The following RPS6KC1 variants were observed in gnomAD, a reference collection of about 807,000 sequenced individuals.
RPS6KC1 encodes the protein inactive ribosomal protein S6 kinase delta-1.
In RPS6KC1, 54 loss-of-function variants were observed where a neutral mutation model predicts 103.8. The ratio of observed to expected loss-of-function variants is 0.52; its 90% confidence interval spans 0.42 to 0.65. RPS6KC1 has a LOEUF of 0.65. Ranked by LOEUF, RPS6KC1 falls within the 30% of genes least tolerant of loss-of-function variation. The pLI is 0.00. For missense variants in RPS6KC1, 1,151 were observed against 1,253.8 expected, an observed-to-expected ratio of 0.92 and a Z score of 1.24; for synonymous variants, 439 against 438.7, an observed-to-expected ratio of 1.00 and a Z score of -0.01.
chr1:213,310,349 C>T, the RPS6KC1 span, among the ~76,000 whole-genome samples: 603 of 152,288 alleles, frequency 4.0e-3, 7 homozygotes, highest in Non-Finnish European at 5.3e-3. Context: ...TGATGTCACC[C>T]GTATCCCATC....
the RPS6KC1 span, among the ~76,000 whole-genome samples, chr1:213,462,062 A>G: frequency 2.0e-5 from 3 of 152,202 alleles, no homozygotes; most frequent in Non-Finnish European, 4.4e-5. Context: ...AGGAACTTAA[A>G]CCAATTTACA....
chr1:213,462,988 A>G, the RPS6KC1 span, among the ~76,000 whole-genome samples: 1 of 152,248 alleles, frequency 6.6e-6, no homozygotes, highest in East Asian at 1.9e-4. Flanking sequence ...TGCTGTGTAG[A>G]GGCCTTATTC....
chr1:213,275,035 A>G (rs751937011), downstream of RPS6KC1, among the ~76,000 whole-genome samples: 4 of 152,176 alleles, frequency 2.6e-5, no homozygotes, highest in Non-Finnish European at 5.9e-5. Flanking sequence ...TGACTGTTCT[A>G]AGTACTTCAT....
the RPS6KC1 span, among the ~76,000 whole-genome samples, chr1:213,833,791 T>A: frequency 3.3e-5 from 5 of 152,164 alleles, no homozygotes; most frequent in Non-Finnish European, 7.3e-5. Flanking sequence ...TCTCCTTTTG[T>A]CTCAGCTACT....
chr1:213,765,075 AC>A, the RPS6KC1 span, among the ~76,000 whole-genome samples: 3 of 152,186 alleles, frequency 2.0e-5, no homozygotes, highest in East Asian at 5.8e-4. Flanking sequence ...CTCCACAGCC[AC>A]CGAGGGAAGT....
At chr1:213,391,788 G>T in the RPS6KC1 span, among the ~76,000 whole-genome samples, 68 of 152,310 alleles carry the variant, frequency 4.5e-4, no homozygotes, top group African/African-American at 1.5e-3. Context: ...AAATGTTCAT[G>T]CAAAGAATTA....
the RPS6KC1 span, among the ~76,000 whole-genome samples, chr1:213,766,474 T>G: frequency 6.6e-6 from 1 of 152,136 alleles, no homozygotes; most frequent in Non-Finnish European, 1.5e-5. Flanking sequence ...GAACACAGGA[T>G]TTTTCCAGTG....
the RPS6KC1 span, among the ~76,000 whole-genome samples, chr1:213,384,833 C>A: frequency 2.0e-5 from 3 of 152,332 alleles, no homozygotes; most frequent in East Asian, 3.9e-4. Context: ...TTTATATCAT[C>A]CCCATTTCAT....
chr1:213,069,210 T>C (rs916906736), intron 1 of RPS6KC1, among the ~76,000 whole-genome samples: 1 of 152,170 alleles, frequency 6.6e-6, no homozygotes, highest in Non-Finnish European at 1.5e-5. Flanking sequence ...TTTTCCGTTA[T>C]CACAGAAAGT....
the RPS6KC1 span, among the ~76,000 whole-genome samples, chr1:213,326,552 C>T: frequency 6.6e-6 from 1 of 152,180 alleles, no homozygotes; most frequent in Non-Finnish European, 1.5e-5. Context: ...TCAAGAGAGG[C>T]AGGTCTTCAC....
the RPS6KC1 span, among the ~76,000 whole-genome samples, chr1:213,567,669 A>G: frequency 1.3e-5 from 2 of 152,204 alleles, no homozygotes; most frequent in Admixed American, 1.3e-4. Flanking sequence ...TTTCACTTGG[A>G]TTATTGTATT....
chr1:213,424,876 G>A, the RPS6KC1 span, among the ~76,000 whole-genome samples: 3 of 152,156 alleles, frequency 2.0e-5, no homozygotes, highest in African/African-American at 4.8e-5. Flanking sequence ...GGCTTCCTCC[G>A]CCAGCACCGC....
the RPS6KC1 span, among the ~76,000 whole-genome samples, chr1:213,669,130 A>T: frequency 1.3e-5 from 2 of 152,162 alleles, no homozygotes; most frequent in Admixed American, 1.3e-4. Flanking sequence ...TTTCCTTTGC[A>T]TTCACAACTT....
At chr1:213,782,997 C>T in the RPS6KC1 span, among the ~76,000 whole-genome samples, 12 of 152,278 alleles carry the variant, frequency 7.9e-5, no homozygotes, top group African/African-American at 2.4e-4. Flanking sequence ...ATTTCGGAAG[C>T]GCTGGACTAT....
chr1:213,079,978 GT>G (rs2079721047), intron 3 of RPS6KC1, among the ~76,000 whole-genome samples: 1 of 147,244 alleles, frequency 6.8e-6, no homozygotes, highest in Non-Finnish European at 1.5e-5. Context: ...GTGCAGTGGC[GT>G]GATCTCGGCT....
the RPS6KC1 span, among the ~76,000 whole-genome samples, chr1:213,646,707 G>A: frequency 2.6e-5 from 4 of 151,862 alleles, no homozygotes; most frequent in South Asian, 2.1e-4. Context: ...GGGAGGAAAC[G>A]GAACACCCCC....
At chr1:213,664,199 G>T in the RPS6KC1 span, among the ~76,000 whole-genome samples, 2 of 141,744 alleles carry the variant, frequency 1.4e-5, no homozygotes, top group African/African-American at 5.0e-5. Context: ...GAGCGGGGGG[G>T]CGGGGTGGGG....
chr1:213,428,522 T>TCCTCTTTCTC, the RPS6KC1 span, among the ~76,000 whole-genome samples: 1 of 45,834 alleles, frequency 2.2e-5, no homozygotes, highest in African/African-American at 8.3e-5. Flanking sequence ...TCCTTCCTCT[T>TCCTCTTTCTC]TCTCTCTCTC....
the RPS6KC1 span, among the ~76,000 whole-genome samples, chr1:213,340,769 T>C: frequency 6.6e-6 from 1 of 152,256 alleles, no homozygotes; most frequent in Admixed American, 6.5e-5. Flanking sequence ...TCCCTCTATG[T>C]TGACAATGCT....
Sources: gnomAD v4.1 joint callset for allele counts (sites outside exome capture counted in the v4.1 genomes callset) on GRCh38, gnomAD v4.1.1 for gene constraint, MANE v1.5 for transcripts, NCBI Gene and HGNC (gene_info 2026-07-23, HGNC 2026-07-21) for gene names.